The following PCGF5 variants were observed in gnomAD, a reference collection of about 807,000 sequenced individuals.
PCGF5 encodes polycomb group ring finger 5.
Under a neutral mutation model 44.3 loss-of-function variants are expected in PCGF5, and 9 were observed. That is an observed-to-expected ratio of 0.20 (90% CI 0.12 to 0.35). PCGF5 has a LOEUF of 0.35. Ranked by LOEUF, PCGF5 falls within the 10% of genes least tolerant of loss-of-function variation. The probability of loss-of-function intolerance (pLI) is 1.00; values close to 1 mark genes in which losing one functional copy is unlikely to be tolerated. For synonymous variants in PCGF5, 95 were observed against 102.5 expected, an observed-to-expected ratio of 0.93 and a Z score of 0.44; for missense variants, 146 against 305.3, an observed-to-expected ratio of 0.48 and a Z score of 3.89.
At chr10:91,262,715 A>T (rs1221678613) in intron 7 of PCGF5, among the ~76,000 whole-genome samples, 1 of 152,198 alleles carries the variant, frequency 6.6e-6, no homozygotes, top group African/African-American at 2.4e-5. Flanking sequence ...AAAATTCTAG[A>T]GACATCAACG....
At chr10:91,260,809 G>A (rs1197324513) in intron 6 of PCGF5, among the ~76,000 whole-genome samples, 1 of 138,924 alleles carries the variant, frequency 7.2e-6, no homozygotes, top group Non-Finnish European at 1.5e-5. Flanking sequence ...GGGGACTGTT[G>A]TGGGGTGGGG....
chr10:91,202,801 G>C (rs1432388583), intron 1 of PCGF5, among the ~76,000 whole-genome samples: 1 of 152,160 alleles, frequency 6.6e-6, no homozygotes, highest in Non-Finnish European at 1.5e-5. Flanking sequence ...TATATAATAT[G>C]CTTACTATCA....
At chr10:91,164,463 G>C (rs1220377119) in intron 1 of PCGF5, among the ~76,000 whole-genome samples, 1 of 152,220 alleles carries the variant, frequency 6.6e-6, no homozygotes, top group African/African-American at 2.4e-5. Flanking sequence ...TCAGTATTTG[G>C]TGTCAAGTGA....
intron 9 of PCGF5, among the ~76,000 whole-genome samples, chr10:91,272,470 CAA>C (rs562609115): frequency 1.4e-5 from 2 of 146,422 alleles, no homozygotes; most frequent in Non-Finnish European, 3.0e-5. Context: ...TATAGCAAGA[CAA>C]AAAAAAATTA....
intron 1 of PCGF5, among the ~76,000 whole-genome samples, chr10:91,222,425 G>A (rs1024317728): frequency 2.0e-5 from 3 of 152,178 alleles, no homozygotes; most frequent in African/African-American, 7.2e-5. Flanking sequence ...CATTAGTGAA[G>A]AGGTAAAGAT....
chr10:91,228,925 G>A lies in PCGF5; in HGVS notation c.112+5942G>A, dbSNP rs577095241. 5.3e-5 allele frequency among the ~76,000 whole-genome samples: 8 copies of A among 152,322 alleles called. No homozygotes were observed. In the South Asian group the frequency reaches 1.4e-3, roughly 28 times the overall value. On this transcript the variant is annotated intron_variant, in intron 2 of 9. Coordinates refer to ENST00000336126, the MANE Select transcript of PCGF5 (RefSeq NM_032373.5). The stretch of plus-strand genomic sequence containing the variant: ...ATCTGTAATAACAAGCCCTGCAGGT[G>A]ATTCTCTGGTACACTAAAGTTTAAG...
In PCGF5 at chr10:91,233,841, C is replaced by G. The variant is rs181996447; in HGVS notation, c.113-6643C>G. On this transcript the variant is annotated intron_variant, in intron 2 of 9. Coordinates refer to ENST00000336126, the MANE Select transcript of PCGF5 (RefSeq NM_032373.5). The stretch of plus-strand genomic sequence containing the variant: ...GCTTAAGGAAGGAAGAAAAAATATG[C>G]ATCTAAGTTGACAGATAAAACCAAC... Among the ~76,000 whole-genome samples the G allele has an allele frequency of 3.2e-4, 48 of 152,222 alleles. 1 individual carries two copies. The East Asian group carries it at 9.1e-3, about 29-fold the overall frequency.
rs562203760 is a variant in PCGF5 at position 91,259,487 on chromosome 10, AC to A, written c.475-1837del. Among the ~76,000 whole-genome samples, 43 of 152,332 alleles carry A rather than the reference AC, an allele frequency of 2.8e-4. No individual in the cohort carries two copies. In the East Asian group the frequency reaches 6.0e-3, roughly 21 times the overall value. The stretch of plus-strand genomic sequence containing the variant: ...TGGAAAAAACTAAAGTTCATATGGA[AC>A]CAAAAAAGAGCCCGCATTGCCAAGT... On this transcript the variant is annotated intron_variant, in intron 6 of 9. Coordinates refer to ENST00000336126, the MANE Select transcript of PCGF5 (RefSeq NM_032373.5).
chr10:91,177,380 C>T (rs1414652212), intron 1 of PCGF5, among the ~76,000 whole-genome samples: 1 of 152,220 alleles, frequency 6.6e-6, no homozygotes, highest in Non-Finnish European at 1.5e-5. Flanking sequence ...GGCAGTCTGT[C>T]CATTTTCAGA....
chr10:91,244,898 G>A (rs1845420469), intron 3 of PCGF5, among the ~76,000 whole-genome samples: 7 of 151,054 alleles, frequency 4.6e-5, no homozygotes, highest in Admixed American at 3.3e-4. Context: ...TTGTGGACAT[G>A]CTGAGTTATT....
At chr10:91,157,430 A>T in the PCGF5 span, among the ~76,000 whole-genome samples, 1 of 152,226 alleles carries the variant, frequency 6.6e-6, no homozygotes, top group Non-Finnish European at 1.5e-5. Flanking sequence ...GCACCATTTT[A>T]CTATGCCTAT....
At chr10:91,170,931 A>G (rs2133168319) in intron 1 of PCGF5, among the ~76,000 whole-genome samples, 1 of 152,376 alleles carries the variant, frequency 6.6e-6, no homozygotes, top group East Asian at 1.9e-4. Flanking sequence ...ATAGCTATCA[A>G]GCCATGAAAA....
At chr10:91,217,481 C>T (rs140476979), upstream of PCGF5, among the ~76,000 whole-genome samples, 3 of 152,334 alleles carry the variant, frequency 2.0e-5, no homozygotes, top group Non-Finnish European at 2.9e-5. Flanking sequence ...TACCTACCCA[C>T]CCATTGCCCA....
intron 1 of PCGF5, among the ~76,000 whole-genome samples, chr10:91,186,530 A>ATATG (rs1554843053): frequency 7.1e-6 from 1 of 140,624 alleles, no homozygotes; most frequent in African/African-American, 3.0e-5. Flanking sequence ...TCATATATAT[A>ATATG]TGTGTGTGTG....
intron 1 of PCGF5, among the ~76,000 whole-genome samples, chr10:91,167,065 G>T (rs1843513693): frequency 6.6e-6 from 1 of 152,094 alleles, no homozygotes; most frequent in Non-Finnish European, 1.5e-5. Flanking sequence ...CAGTTCTCCT[G>T]CAATTTTAGT....
At chr10:91,224,128 C>A (rs548792399) in intron 2 of PCGF5, among the ~76,000 whole-genome samples, 1 of 152,226 alleles carries the variant, frequency 6.6e-6, no homozygotes, top group South Asian at 2.1e-4. Flanking sequence ...AAAATAGAAT[C>A]ATCTGGGAAG....
chr10:91,240,948 C>T (rs1004748765), intron 3 of PCGF5, among the ~76,000 whole-genome samples: 19 of 150,710 alleles, frequency 1.3e-4, no homozygotes, highest in African/African-American at 4.6e-4. Context: ...TTTTAATTTA[C>T]CATATATTCA....
At chr10:91,262,063 A>G (rs886355747) in intron 7 of PCGF5, among the ~76,000 whole-genome samples, 9 of 152,328 alleles carry the variant, frequency 5.9e-5, no homozygotes, top group African/African-American at 2.2e-4. Flanking sequence ...TCACCTGCCT[A>G]AATGATGATC....
chr10:91,187,197 G>A (rs533931837), intron 1 of PCGF5, among the ~76,000 whole-genome samples: 3 of 152,142 alleles, frequency 2.0e-5, no homozygotes, highest in East Asian at 1.9e-4. Context: ...ATAGTGATTC[G>A]GATTTAATTG....
Sources: gnomAD v4.1 joint callset for allele counts (sites outside exome capture counted in the v4.1 genomes callset) on GRCh38, gnomAD v4.1.1 for gene constraint, MANE v1.5 for transcripts, NCBI Gene and HGNC (gene_info 2026-07-23, HGNC 2026-07-21) for gene names.